NAALADL2: variants seen among roughly 807,000 people sequenced by gnomAD.
The protein encoded by NAALADL2 is inactive N-acetylated-alpha-linked acidic dipeptidase-like protein 2.
In NAALADL2, 76 loss-of-function variants were observed where a neutral mutation model predicts 87.2. The observed-to-expected ratio is 0.87, with a 90% CI of 0.72 to 1.05. The LOEUF is 1.05. Ranked by LOEUF, NAALADL2 falls within the 50% of genes least tolerant of loss-of-function variation. The pLI is 0.00. For synonymous variants in NAALADL2, 354 were observed against 331.0 expected, an observed-to-expected ratio of 1.07 and a Z score of -0.75; for missense variants, 1,089 against 945.8, an observed-to-expected ratio of 1.15 and a Z score of -1.99.
chr3:175,635,691 G>A (rs1728430955), intron 11 of NAALADL2, among the ~76,000 whole-genome samples: 1 of 151,770 alleles, frequency 6.6e-6, no homozygotes. Context: ...TCAATAAGTT[G>A]AAAGTGAATT....
At chr3:174,763,716 A>T (rs1713396674) in intron 3 of NAALADL2, among the ~76,000 whole-genome samples, 1 of 151,528 alleles carries the variant, frequency 6.6e-6, no homozygotes, top group African/African-American at 2.4e-5. Flanking sequence ...AAAAATAACC[A>T]TAAAAATGGT....
At chr3:174,834,205 A>AT (rs1178301102) in intron 3 of NAALADL2, among the ~76,000 whole-genome samples, 2 of 149,146 alleles carry the variant, frequency 1.3e-5, no homozygotes, top group African/African-American at 5.0e-5. Context: ...AATGGGGACA[A>AT]CTATATAATT....
At chr3:175,732,958 G>A (rs1009689963) in intron 11 of NAALADL2, among the ~76,000 whole-genome samples, 8 of 151,954 alleles carry the variant, frequency 5.3e-5, no homozygotes, top group African/African-American at 1.9e-4. Flanking sequence ...ATGCACGCAG[G>A]GCTTAATACC....
intron 1 of NAALADL2, among the ~76,000 whole-genome samples, chr3:175,085,107 A>G (rs1718629195): frequency 6.6e-6 from 1 of 152,126 alleles, no homozygotes; most frequent in African/African-American, 2.4e-5. Flanking sequence ...GGAATTCCCA[A>G]TTTGCCTTCA....
At chr3:175,370,652 C>T (rs1345213903) in intron 5 of NAALADL2, among the ~76,000 whole-genome samples, 1 of 152,208 alleles carries the variant, frequency 6.6e-6, no homozygotes, top group Non-Finnish European at 1.5e-5. Context: ...TTAGCCCCTC[C>T]AGCTTTCCAC....
intron 4 of NAALADL2, among the ~76,000 whole-genome samples, chr3:175,308,428 A>G (rs531384613): frequency 7.2e-5 from 11 of 152,280 alleles, no homozygotes; most frequent in Non-Finnish European, 1.5e-4. Context: ...GAAAGGAGGT[A>G]GGGGGTTGCG....
At position 175,467,123 on chromosome 3, in the gene NAALADL2, T is replaced by C; in HGVS notation, c.1472T>C (p.Ile491Thr). Residue 491 changes from isoleucine (I) to threonine (T), a missense_variant, in exon 8 of 14, where the codon ATT becomes ACT. Ile to Thr is a moderately conservative substitution (Grantham distance 89). Coordinates refer to ENST00000454872, the MANE Select transcript of NAALADL2 (RefSeq NM_207015.3). ...AGAGGGTGGAGACCAGACCGAACTA[T>C]TGTTTTCTGTTCTTGGGGAGGAACA... is the stretch of plus-strand genomic sequence containing the variant. ...VKRGWRPDRT[I>T]VFCSWGGTAF... The C allele has an allele frequency of 6.2e-7, 1 of 1,613,908 alleles. No individual in the cohort carries two copies. The highest frequency in any genetic ancestry group is 8.5e-7 in the Non-Finnish European group (1 of 1,179,836).
intron 2 of NAALADL2, among the ~76,000 whole-genome samples, chr3:174,717,974 A>G (rs1731355971): frequency 6.6e-6 from 1 of 152,090 alleles, no homozygotes; most frequent in East Asian, 1.9e-4. Flanking sequence ...TAAAAATACA[A>G]AAAAACTTGT....
chr3:174,767,881 C>T (rs925895692), intron 3 of NAALADL2, among the ~76,000 whole-genome samples: 1 of 152,064 alleles, frequency 6.6e-6, no homozygotes, highest in Admixed American at 6.6e-5. Context: ...CCATTGAATG[C>T]GAAGTACAAG....
chr3:174,716,170 T>C (rs1044682414), intron 2 of NAALADL2, among the ~76,000 whole-genome samples: 1 of 152,122 alleles, frequency 6.6e-6, no homozygotes, highest in African/African-American at 2.4e-5. Context: ...TCATCCTCTA[T>C]TGGGAAAGAT....
intron 4 of NAALADL2, among the ~76,000 whole-genome samples, chr3:175,316,274 G>A (rs1387181654): frequency 6.6e-6 from 1 of 152,156 alleles, no homozygotes; most frequent in Non-Finnish European, 1.5e-5. Context: ...AGTAAAAGGA[G>A]TACAGCAGGA....
intron 9 of NAALADL2, among the ~76,000 whole-genome samples, chr3:175,513,349 C>T (rs1476994295): frequency 6.6e-6 from 1 of 152,104 alleles, no homozygotes; most frequent in Non-Finnish European, 1.5e-5. Context: ...ACATTGAGTT[C>T]CTCAGTCATA....
At chr3:175,502,798 T>G (rs1305610115) in intron 9 of NAALADL2, among the ~76,000 whole-genome samples, 1 of 152,116 alleles carries the variant, frequency 6.6e-6, no homozygotes, top group Non-Finnish European at 1.5e-5. Context: ...TGAACATAGG[T>G]TTACAGCTGG....
At chr3:175,465,422 T>C (rs1723841307) in intron 7 of NAALADL2, among the ~76,000 whole-genome samples, 1 of 151,522 alleles carries the variant, frequency 6.6e-6, no homozygotes, top group Non-Finnish European at 1.5e-5. Context: ...AATTCTTGGG[T>C]TTTTAACATT....
intron 2 of NAALADL2, among the ~76,000 whole-genome samples, chr3:175,196,398 G>A (rs1344406401): frequency 1.3e-5 from 2 of 151,844 alleles, no homozygotes; most frequent in African/African-American, 4.8e-5. Flanking sequence ...TCTTTAGGAA[G>A]ATATCCTTTC....
At chr3:175,662,827 TC>T (rs1320278969) in intron 11 of NAALADL2, among the ~76,000 whole-genome samples, 1 of 152,044 alleles carries the variant, frequency 6.6e-6, no homozygotes, top group Non-Finnish European at 1.5e-5. Flanking sequence ...TCATCTGGTG[TC>T]CCTGGGATGG....
chr3:175,260,163 C>T (rs906418211), intron 4 of NAALADL2, among the ~76,000 whole-genome samples: 3 of 152,118 alleles, frequency 2.0e-5, no homozygotes, highest in Admixed American at 2.0e-4. Context: ...ACTATATTTA[C>T]AAAGTAGTGA....
intron 6 of NAALADL2, among the ~76,000 whole-genome samples, chr3:175,459,639 GA>G (rs1722816206): frequency 6.6e-6 from 1 of 152,026 alleles, no homozygotes; most frequent in African/African-American, 2.4e-5. Context: ...TTTCTACAGT[GA>G]AAAAGGGTTC....
At chr3:174,493,567 G>A (rs1024563017) in intron 1 of NAALADL2, among the ~76,000 whole-genome samples, 2 of 152,092 alleles carry the variant, frequency 1.3e-5, no homozygotes, top group African/African-American at 2.4e-5. Context: ...GTGGTAGTTT[G>A]TTATGGCAGC....
Sources: allele counts gnomAD v4.1 joint callset (sites outside exome capture counted in the v4.1 genomes callset), GRCh38; gene constraint gnomAD v4.1.1; transcripts MANE v1.5; gene names NCBI Gene and HGNC (gene_info 2026-07-23, HGNC 2026-07-21).